The following ASIC2 variants were observed in gnomAD, a reference collection of about 807,000 sequenced individuals.
The protein encoded by ASIC2 is acid sensing ion channel subunit 2, also known as acid-sensing ion channel 2.
In ASIC2, 25 loss-of-function variants were observed where a neutral mutation model predicts 57.3. The observed-to-expected ratio is 0.44, with a 90% CI of 0.32 to 0.61. The LOEUF (loss-of-function observed/expected upper bound fraction) is 0.61. ASIC2 is among the 20% of genes least tolerant of loss of function. The pLI is 0.06. For synonymous variants in ASIC2, 319 were observed against 307.5 expected, an observed-to-expected ratio of 1.04 and a Z score of -0.39; for missense variants, 641 against 738.1, an observed-to-expected ratio of 0.87 and a Z score of 1.52.
At chr17:33,232,465 G>GTATGGTATGGTATGC (rs1465833372) in intron 1 of ASIC2, among the ~76,000 whole-genome samples, 8 of 148,308 alleles carry the variant, frequency 5.4e-5, no homozygotes, top group Admixed American at 4.0e-4. Flanking sequence ...GTATGGTATG[G>GTATGGTATGGTATGC]TATGGTATGG....
At chr17:33,379,654 C>T (rs1454127187) in intron 1 of ASIC2, among the ~76,000 whole-genome samples, 1 of 152,164 alleles carries the variant, frequency 6.6e-6, no homozygotes, top group Non-Finnish European at 1.5e-5. Flanking sequence ...CATTTTCTTC[C>T]TAGGAATGTG....
At chr17:33,031,407 T>C (rs1567721580) in intron 3 of ASIC2, among the ~76,000 whole-genome samples, 1 of 152,184 alleles carries the variant, frequency 6.6e-6, no homozygotes, top group Non-Finnish European at 1.5e-5. Context: ...TTTTCCTTAT[T>C]GTTAATAATT....
At chr17:34,134,508 G>A (rs1045653343) in intron 1 of ASIC2, among the ~76,000 whole-genome samples, 2 of 152,176 alleles carry the variant, frequency 1.3e-5, no homozygotes, top group Non-Finnish European at 2.9e-5. Flanking sequence ...GAGAATGGAA[G>A]GAAGAGGAAT....
intron 1 of ASIC2, among the ~76,000 whole-genome samples, chr17:33,442,951 C>T (rs931627915): frequency 5.3e-5 from 8 of 152,128 alleles, no homozygotes; most frequent in Admixed American, 1.3e-4. Flanking sequence ...AAGTTCCCTA[C>T]TATTCTTAGT....
chr17:34,065,514 T>A (rs887228351), intron 1 of ASIC2, among the ~76,000 whole-genome samples: 4 of 152,104 alleles, frequency 2.6e-5, no homozygotes, highest in African/African-American at 4.8e-5. Context: ...GGAAAAATTT[T>A]AAAAAAATAA....
At chr17:33,695,582 G>A (rs112414686) in intron 1 of ASIC2, among the ~76,000 whole-genome samples, 1 of 152,324 alleles carries the variant, frequency 6.6e-6, no homozygotes, top group African/African-American at 2.4e-5. Context: ...CTATACAGAA[G>A]GTCCCATTTC....
At chr17:33,213,944 G>T (rs1326056041) in intron 1 of ASIC2, among the ~76,000 whole-genome samples, 1 of 152,222 alleles carries the variant, frequency 6.6e-6, no homozygotes, top group Non-Finnish European at 1.5e-5. Context: ...ACACCCAGAG[G>T]TGAGTGTGCT....
At chr17:33,490,423 T>C (rs1368762953) in intron 1 of ASIC2, among the ~76,000 whole-genome samples, 1 of 152,262 alleles carries the variant, frequency 6.6e-6, no homozygotes, top group South Asian at 2.1e-4. Context: ...AAGATTGACG[T>C]GGTTTGGCTG....
chr17:33,392,658 T>C (rs2141953694), intron 1 of ASIC2, among the ~76,000 whole-genome samples: 1 of 152,254 alleles, frequency 6.6e-6, no homozygotes, highest in African/African-American at 2.4e-5. Flanking sequence ...TTCCACGGTG[T>C]CACATGGTCA....
chr17:33,830,147 T>C (rs375706765), intron 1 of ASIC2, among the ~76,000 whole-genome samples: 6 of 152,284 alleles, frequency 3.9e-5, no homozygotes, highest in Middle Eastern at 3.4e-3. Flanking sequence ...AAATCTGGCT[T>C]CCTCAGATTT....
rs112792140 is a variant in ASIC2, at chr17:33,915,709, A to G, written c.555+240269T>C. Reference sequence around the variant, plus strand: ...ACATCTAATGTTTCTGCCACTCCTCATAGCATGCATTTTCCCTTTTTCTAC... The same window carrying G: ...ACATCTAATGTTTCTGCCACTCCTCGTAGCATGCATTTTCCCTTTTTCTAC... On this transcript the variant is annotated intron_variant, in intron 1 of 9. Transcript: ENST00000359872. 1.2e-3 allele frequency among the ~76,000 whole-genome samples: 186 copies of G among 152,336 alleles called. 3 individuals carry two copies. The highest frequency in any genetic ancestry group is 4.3e-3 in the African/African-American group (180 of 41,586).
chr17:33,614,669 A>AG (rs1479423369), intron 1 of ASIC2, among the ~76,000 whole-genome samples: 1 of 152,266 alleles, frequency 6.6e-6, no homozygotes, highest in Non-Finnish European at 1.5e-5. Context: ...CAAATAAGAA[A>AG]GCACAAATTG....
chr17:33,569,200 GATA>G (rs1489754131), intron 1 of ASIC2: 2 of 152,358 alleles, frequency 1.3e-5, no homozygotes, highest in Non-Finnish European at 2.9e-5. Context: ...TCAATGCCGT[GATA>G]ATAAGGCAAG....
intron 1 of ASIC2, among the ~76,000 whole-genome samples, chr17:33,595,516 GA>G (rs1718240439): frequency 6.6e-6 from 1 of 152,226 alleles, no homozygotes; most frequent in Admixed American, 6.5e-5. Flanking sequence ...GAAGCATTGG[GA>G]GCCTCAGCTA....
At chr17:33,149,534 C>T (rs907591094) in intron 1 of ASIC2, among the ~76,000 whole-genome samples, 1 of 152,202 alleles carries the variant, frequency 6.6e-6, no homozygotes, top group Non-Finnish European at 1.5e-5. Context: ...GACACTAACA[C>T]AGTGACTTGT....
upstream of ASIC2, among the ~76,000 whole-genome samples, chr17:33,293,702 A>C (rs1176549704): frequency 6.6e-6 from 1 of 152,040 alleles, no homozygotes; most frequent in African/African-American, 2.4e-5. Flanking sequence ...TGTATGTGTG[A>C]ATGGGCATTT....
At chr17:33,193,879 C>A (rs991171965) in intron 1 of ASIC2, among the ~76,000 whole-genome samples, 4 of 152,140 alleles carry the variant, frequency 2.6e-5, no homozygotes, top group African/African-American at 9.7e-5. Flanking sequence ...TACTTGGTTG[C>A]CTTCCTTGGC....
At chr17:33,019,174 G>A (rs1306867190) in intron 7 of ASIC2, among the ~76,000 whole-genome samples, 2 of 152,100 alleles carry the variant, frequency 1.3e-5, no homozygotes, top group Non-Finnish European at 2.9e-5. Flanking sequence ...GTGGTATAGT[G>A]TGGGGTATAT....
intron 1 of ASIC2, among the ~76,000 whole-genome samples, chr17:33,306,613 G>A (rs1056570526): frequency 2.2e-4 from 34 of 152,200 alleles, no homozygotes; most frequent in African/African-American, 7.9e-4. Context: ...ATTCTCAAGT[G>A]CATGGCCTGA....
Sources: allele counts gnomAD v4.1 joint callset (sites outside exome capture counted in the v4.1 genomes callset), GRCh38; gene constraint gnomAD v4.1.1; transcripts MANE v1.5; gene names NCBI Gene and HGNC (gene_info 2026-07-23, HGNC 2026-07-21).